The following KCNMA1 variants were observed in gnomAD, a reference collection of about 807,000 sequenced individuals.
KCNMA1 encodes the protein Calcium-activated potassium channel subunit alpha-1.
KCNMA1 carries 29 observed loss-of-function variants against 140.0 expected under a neutral mutation model. That is an observed-to-expected ratio of 0.21 (90% CI 0.15 to 0.28). The LOEUF is 0.28. KCNMA1 is among the 10% of genes least tolerant of loss of function. The pLI is 1.00. For synonymous variants in KCNMA1, 612 were observed against 611.9 expected, an observed-to-expected ratio of 1.00 and a Z score of 0.00; for missense variants, 880 against 1,602.2, an observed-to-expected ratio of 0.55 and a Z score of 7.70.
rs897159071 is a variant in KCNMA1, at chr10:77,028,010, C to T, written c.1860-119G>A. On this transcript the variant is annotated intron_variant, in intron 15 of 27. Coordinates refer to ENST00000286628, the MANE Select transcript of KCNMA1 (RefSeq NM_001161352.2). ...GTCATTACCGAGGGGATCCTCATTC[C>T]ACCGGCACTGTGCCAAAGGGAGGGG... 1.1e-5 allele frequency: 10 copies of T among 893,626 alleles called. No homozygotes were observed. In the African/African-American group the frequency reaches 1.6e-4, roughly 15 times the overall value. 55.4% of individuals were successfully genotyped at this position (893,626 alleles called of 1,614,324 possible). A position where few individuals can be genotyped will look rare whatever the true frequency, so the allele number is the denominator to read the frequency against.
At chr10:77,615,343 C>T (rs1010302903) in intron 1 of KCNMA1, among the ~76,000 whole-genome samples, 4 of 152,230 alleles carry the variant, frequency 2.6e-5, no homozygotes, top group African/African-American at 9.6e-5. Flanking sequence ...TTTTCAGACC[C>T]TCAGCCTTCT....
Position 77,131,696 on chromosome 10 carries a change from G to T in KCNMA1, c.809-10648C>A, listed in dbSNP as rs2097860864. Among the ~76,000 whole-genome samples, 3 of 152,224 alleles carry T rather than the reference G, an allele frequency of 2.0e-5. No individual in the cohort carries two copies. In the South Asian group the frequency reaches 6.2e-4, roughly 32 times the overall value. On this transcript the variant is annotated intron_variant, in intron 5 of 27. Transcript: ENST00000286628. ...TTATCCAGCTGTTGCCAGGCACGGT[G>T]GCTCATGCCTGTAATCCTAGCACTT...
intron 25 of KCNMA1, among the ~76,000 whole-genome samples, chr10:76,905,556 A>G (rs2047493477): frequency 6.6e-6 from 1 of 152,148 alleles, no homozygotes; most frequent in African/African-American, 2.4e-5. Flanking sequence ...AATGGCCTCC[A>G]ACTGCTTCCT....
chr10:77,403,341 C>T (rs2096344966), intron 2 of KCNMA1, among the ~76,000 whole-genome samples: 1 of 152,064 alleles, frequency 6.6e-6, no homozygotes. Context: ...ATGCATCCAC[C>T]ATCAGCATGA....
intron 2 of KCNMA1, among the ~76,000 whole-genome samples, chr10:77,266,139 C>T (rs1397945104): frequency 6.7e-6 from 1 of 150,292 alleles, no homozygotes; most frequent in East Asian, 1.9e-4. Flanking sequence ...CACCCAGAAC[C>T]ATAAAACTTG....
At chr10:77,111,827 A>T (rs1016934800) in intron 7 of KCNMA1, among the ~76,000 whole-genome samples, 1 of 152,212 alleles carries the variant, frequency 6.6e-6, no homozygotes, top group Non-Finnish European at 1.5e-5. Context: ...GCAGGGGGAA[A>T]GTCTGCCTTC....
chr10:76,921,603 A>T (rs2055805511), intron 23 of KCNMA1, among the ~76,000 whole-genome samples: 1 of 152,210 alleles, frequency 6.6e-6, no homozygotes, highest in Non-Finnish European at 1.5e-5. Context: ...AGCTCCAATA[A>T]ATGAGGCATC....
intron 16 of KCNMA1, among the ~76,000 whole-genome samples, chr10:77,024,406 A>G (rs946376998): frequency 2.6e-5 from 4 of 152,192 alleles, no homozygotes; most frequent in African/African-American, 9.6e-5. Flanking sequence ...ACACACACAC[A>G]CACACAATTA....
chr10:77,038,758 C>A (rs1390334987), intron 15 of KCNMA1, among the ~76,000 whole-genome samples: 1 of 152,164 alleles, frequency 6.6e-6, no homozygotes, highest in Non-Finnish European at 1.5e-5. Context: ...CCAGGCTAGT[C>A]TTGAATGCCT....
chr10:77,379,980 G>A (rs922359519), intron 2 of KCNMA1, among the ~76,000 whole-genome samples: 4 of 152,186 alleles, frequency 2.6e-5, no homozygotes, highest in African/African-American at 7.2e-5. Context: ...GTAGGGATAT[G>A]AGGATTAATG....
intron 3 of KCNMA1, among the ~76,000 whole-genome samples, chr10:77,233,250 T>TA (rs2054222110): frequency 6.6e-6 from 1 of 152,188 alleles, no homozygotes; most frequent in Non-Finnish European, 1.5e-5. Flanking sequence ...AATGACTGTT[T>TA]AAAAGTGGAA....
intron 19 of KCNMA1, among the ~76,000 whole-genome samples, chr10:76,997,215 T>G (rs951854619): frequency 2.0e-5 from 3 of 152,248 alleles, no homozygotes; most frequent in African/African-American, 7.2e-5. Flanking sequence ...CTAATCATAT[T>G]GGACTTCTCT....
intron 1 of KCNMA1, among the ~76,000 whole-genome samples, chr10:77,528,505 G>A (rs1366301931): frequency 6.6e-6 from 1 of 151,852 alleles, no homozygotes; most frequent in Non-Finnish European, 1.5e-5. Flanking sequence ...AGCAACTCGG[G>A]AGGCTGAGGC....
chr10:77,425,711 C>T (rs1408774118), intron 1 of KCNMA1, among the ~76,000 whole-genome samples: 1 of 152,168 alleles, frequency 6.6e-6, no homozygotes, highest in Non-Finnish European at 1.5e-5. Context: ...AACTGGATGA[C>T]TAAGAGTCCT....
At chr10:76,956,997 C>T (rs915788570) in intron 20 of KCNMA1, among the ~76,000 whole-genome samples, 2 of 151,650 alleles carry the variant, frequency 1.3e-5, no homozygotes, top group African/African-American at 2.4e-5. Flanking sequence ...GTGGTGGGTG[C>T]CTGTAGTCCC....
chr10:77,187,846 G>A (rs147234006), intron 3 of KCNMA1, among the ~76,000 whole-genome samples: 20 of 152,236 alleles, frequency 1.3e-4, no homozygotes, highest in African/African-American at 4.6e-4. Context: ...TCCTCTGAGT[G>A]CCTGTAGTTT....
At chr10:77,025,242 G>GTGTGTATATATATA (rs1436772387) in intron 16 of KCNMA1, among the ~76,000 whole-genome samples, 3 of 42,744 alleles carry the variant, frequency 7.0e-5, no homozygotes, top group African/African-American at 2.3e-4. Flanking sequence ...GGGTGTGTGT[G>GTGTGTATATATATA]TATATATATA....
intron 1 of KCNMA1, among the ~76,000 whole-genome samples, chr10:77,614,442 T>C (rs900225769): frequency 6.6e-6 from 1 of 152,204 alleles, no homozygotes; most frequent in Non-Finnish European, 1.5e-5. Flanking sequence ...AAGGGAAGCA[T>C]GCGGAATTCT....
At chr10:77,432,808 A>AAAAC (rs1444064090) in intron 1 of KCNMA1, among the ~76,000 whole-genome samples, 3 of 152,230 alleles carry the variant, frequency 2.0e-5, no homozygotes, top group Non-Finnish European at 4.4e-5. Context: ...AACAGGTTGC[A>AAAAC]AAACACTTTC....
Sources: allele counts gnomAD v4.1 joint callset (sites outside exome capture counted in the v4.1 genomes callset), GRCh38; gene constraint gnomAD v4.1.1; transcripts MANE v1.5; gene names NCBI Gene and HGNC (gene_info 2026-07-23, HGNC 2026-07-21).